The following LNX1 variants were observed in gnomAD, a reference collection of about 807,000 sequenced individuals.
The protein encoded by LNX1 is E3 ubiquitin-protein ligase LNX.
Under a neutral mutation model 68.4 loss-of-function variants are expected in LNX1, and 54 were observed. The ratio of observed to expected loss-of-function variants is 0.79; its 90% CI spans 0.63 to 0.99. LNX1 has a LOEUF of 0.99. LNX1 is among the 50% of genes least tolerant of loss of function. The pLI, the probability that LNX1 is intolerant of heterozygous loss-of-function variation, is 0.00. For synonymous variants in LNX1, 336 were observed against 350.0 expected (o/e 0.96, Z 0.45); for missense variants, 906 against 926.4 (o/e 0.98, Z 0.29).
rs138707403 is a variant in LNX1 at position 53,481,839 on chromosome 4, C to T, written c.1366G>A (p.Val456Ile). 29 of 1,604,922 alleles carry T rather than the reference C, an allele frequency of 1.8e-5. No individual in the cohort carries two copies. Among genetic ancestry groups the T allele is most frequent in the Non-Finnish European group, 2.4e-5 (28 of 1,174,492 alleles). ...ACCTGGCGGGACACGACGAGGTGAA[C>T]ACGTCTTTCACTGGCCTGGGCAAGA... ...AHLIQASERR[V>I]HLVVSRQVRQ... The change falls in exon 7 of 11, where the codon GTT (valine) becomes ATT (isoleucine). Residue 456 changes from valine to isoleucine, a missense_variant. Val to Ile is a conservative substitution (Grantham distance 29). Coordinates refer to ENST00000263925, the MANE Select transcript of LNX1 (RefSeq NM_001126328.3).
rs368184950 is a variant in LNX1, at chr4:53,587,795, C to T, written c.-87+3593G>A. ...GTGACAGGTGAAGCCAGGAAATCAC[C>T]GCTCCAGGAAGACCCGCTGTTTACT... On this transcript the variant is annotated intron_variant, in intron 1 of 10. Transcript: ENST00000263925. Among the ~76,000 whole-genome samples the T allele has an allele frequency of 5.2e-4, 79 of 152,250 alleles. 2 individuals are homozygous for T. The South Asian group carries it at 0.015, about 29-fold the overall frequency.
At chr4:53,505,165 T>C (rs1725786846) in intron 4 of LNX1, among the ~76,000 whole-genome samples, 1 of 152,238 alleles carries the variant, frequency 6.6e-6, no homozygotes, top group Admixed American at 6.5e-5. Flanking sequence ...TTTATATTCT[T>C]TATATAAAAT....
intron 6 of LNX1, among the ~76,000 whole-genome samples, chr4:53,483,615 T>C (rs1724092335): frequency 6.6e-6 from 1 of 152,142 alleles, no homozygotes; most frequent in African/African-American, 2.4e-5. Context: ...AAGATTTGAT[T>C]AGAAAGATTC....
chr4:53,578,886 GT>G lies in LNX1; in HGVS notation c.-86-4799del, dbSNP rs546936596. Among the ~76,000 whole-genome samples, 346 of 152,022 alleles carry G rather than the reference GT, an allele frequency of 2.3e-3. 1 individual carries two copies. Among genetic ancestry groups the G allele is most frequent in the African/African-American group, 7.6e-3 (314 of 41,548 alleles). On this transcript the variant is annotated intron_variant, in intron 1 of 10. Coordinates refer to ENST00000263925, the MANE Select transcript of LNX1 (RefSeq NM_001126328.3). The stretch of plus-strand genomic sequence containing the variant: ...TATGAGATAATTGACTGAACAAGCA[GT>G]TTTGGCTCTAAGGGAAAGAACCAGG...
chr4:53,476,798 G>C lies in LNX1; in HGVS notation c.1847C>G (p.Pro616Arg), dbSNP rs766869717. Residue 616 changes from proline to arginine, a missense_variant, in exon 9 of 11, where the codon CCC becomes CGC. Pro to Arg is a moderately radical substitution (Grantham distance 103). Coordinates refer to ENST00000263925, the MANE Select transcript of LNX1 (RefSeq NM_001126328.3). ...GACCCAGGATGGGGACCAGTCACTG[G>C]GTGGGGCCATGTTGTGGTTGGAGTC... ...ALDSNHNMAP[P>R]SDWSPSWVMW... 3 of 1,614,026 alleles carry C rather than the reference G, an allele frequency of 1.9e-6. No homozygotes were observed. The East Asian group carries it at 6.7e-5, about 36-fold the overall frequency.
chr4:53,488,767 C>T (rs1489654036), intron 6 of LNX1, among the ~76,000 whole-genome samples: 1 of 152,120 alleles, frequency 6.6e-6, no homozygotes, highest in East Asian at 1.9e-4. Context: ...CCACATGATG[C>T]CATACAGACC....
chr4:53,572,831 C>T (rs2109777290), intron 2 of LNX1, among the ~76,000 whole-genome samples: 1 of 152,232 alleles, frequency 6.6e-6, no homozygotes. Flanking sequence ...AACTTAGTAA[C>T]TTGGCCACAA....
Position 53,597,393 on chromosome 4 carries a change from T to C in LNX1, c.-214-5878A>G, listed in dbSNP as rs145922655. ...TCTCTGATCCTTTGCAAGCACAGAATGCCACCACCTGCCAGCCCCCATGCC... is the reference window on the plus strand; with the variant it reads ...TCTCTGATCCTTTGCAAGCACAGAACGCCACCACCTGCCAGCCCCCATGCC... On this transcript the variant is annotated intron_variant, in intron 2 of 3. Coordinates refer to the LNX1 transcript ENST00000504299. Among the ~76,000 whole-genome samples, 974 of 152,300 alleles carry C rather than the reference T, an allele frequency of 6.4e-3. 9 individuals carry two copies. The highest frequency in any genetic ancestry group is 0.022 in the African/African-American group (925 of 41,564).
chr4:53,627,893 T>C (rs775596248), intron 1 of LNX1, among the ~76,000 whole-genome samples: 2 of 152,190 alleles, frequency 1.3e-5, no homozygotes, highest in Admixed American at 6.5e-5. Flanking sequence ...AGGGTTTCAA[T>C]GGGATGAATG....
At chr4:53,464,521 A>G (rs1722512439) in intron 9 of LNX1, among the ~76,000 whole-genome samples, 1 of 148,808 alleles carries the variant, frequency 6.7e-6, no homozygotes, top group African/African-American at 2.4e-5. Flanking sequence ...ATGGACAATC[A>G]GTGTTATAAA....
chr4:53,527,824 C>G (rs1727733115), intron 2 of LNX1, among the ~76,000 whole-genome samples: 1 of 152,120 alleles, frequency 6.6e-6, no homozygotes, highest in Non-Finnish European at 1.5e-5. Flanking sequence ...ATGAAAGTTG[C>G]CTCCTCCCTG....
intron 2 of LNX1, chr4:53,524,445 C>T (rs908684602): frequency 6.6e-6 from 1 of 152,212 alleles, no homozygotes; most frequent in Non-Finnish European, 1.5e-5. Flanking sequence ...GTGGTACTCT[C>T]TCCATTTGAC....
rs11133276 is a variant in LNX1 at position 53,502,873 on chromosome 4, G to T, written c.776-4030C>A. On this transcript the variant is annotated intron_variant, in intron 4 of 10. Coordinates refer to ENST00000263925, the MANE Select transcript of LNX1 (RefSeq NM_001126328.3). The stretch of plus-strand genomic sequence containing the variant: ...AAGAAACCACTTTATTTGCTCATCC[G>T]TAAGAAATGCCTCTACACTCATTCA... Among the ~76,000 whole-genome samples, 3 of 151,710 alleles carry T rather than the reference G, an allele frequency of 2.0e-5. No homozygotes were observed. The South Asian group carries it at 6.2e-4, about 32-fold the overall frequency.
At chr4:53,591,536 T>C, upstream of LNX1, 1 of 985,492 alleles carries the variant, frequency 1.0e-6, no homozygotes, top group Non-Finnish European at 1.2e-6. Context: ...GAGGACGGCA[T>C]TGGTCGCTCC....
At chr4:53,508,423 A>C in intron 2 of LNX1, 196 bp from the exon 3 acceptor site, 2 of 621,004 alleles carry the variant, frequency 3.2e-6, no homozygotes, top group Non-Finnish European at 5.1e-6. Context: ...GTGAATTCAT[A>C]ATTTGAGATT....
At chr4:53,514,246 C>CT (rs1579447047) in intron 2 of LNX1, among the ~76,000 whole-genome samples, 1 of 152,240 alleles carries the variant, frequency 6.6e-6, no homozygotes, top group Admixed American at 6.5e-5. Flanking sequence ...AAGACAATGA[C>CT]TGGCATATAG....
At chr4:53,541,052 C>T (rs1577683869) in intron 2 of LNX1, among the ~76,000 whole-genome samples, 1 of 150,530 alleles carries the variant, frequency 6.6e-6, no homozygotes, top group East Asian at 2.0e-4. Flanking sequence ...CAGGAGAATC[C>T]CTTGAACCTG....
chr4:53,550,177 T>C (rs1729405774), intron 2 of LNX1, among the ~76,000 whole-genome samples: 4 of 152,232 alleles, frequency 2.6e-5, no homozygotes, highest in Admixed American at 2.6e-4. Context: ...ATGAGGGCCA[T>C]GCGGCTTCAA....
intron 2 of LNX1, among the ~76,000 whole-genome samples, chr4:53,601,924 C>A (rs1229355569): frequency 6.6e-6 from 1 of 152,260 alleles, no homozygotes; most frequent in South Asian, 2.1e-4. Context: ...CTTCTGCATA[C>A]CACCCCATTC....
Sources: allele counts gnomAD v4.1 joint callset (sites outside exome capture counted in the v4.1 genomes callset), GRCh38; gene constraint gnomAD v4.1.1; transcripts MANE v1.5; gene names NCBI Gene and HGNC (gene_info 2026-07-23, HGNC 2026-07-21).